MAGI2: variants seen among roughly 807,000 people sequenced by gnomAD.
MAGI2 encodes membrane-associated guanylate kinase, WW and PDZ domain-containing protein 2.
A neutral mutation model predicts 133.3 loss-of-function variants in MAGI2; 35 were observed. That is an observed-to-expected ratio of 0.26 (90% CI 0.20 to 0.35). MAGI2 has a LOEUF of 0.35. MAGI2 is among the 10% of genes least tolerant of loss of function. The pLI is 1.00. For missense variants in MAGI2, 1,636 were observed against 1,863.4 expected (o/e 0.88, Z 2.25); for synonymous variants, 729 against 710.6 (o/e 1.03, Z -0.41).
At chr7:78,225,698 C>A (rs558642512) in intron 10 of MAGI2, among the ~76,000 whole-genome samples, 5 of 152,168 alleles carry the variant, frequency 3.3e-5, no homozygotes, top group Non-Finnish European at 7.3e-5. Context: ...AAAACCAAGT[C>A]CATATTTGGC....
chr7:78,110,585 C>G (rs1332159682), intron 20 of MAGI2, among the ~76,000 whole-genome samples: 2 of 152,180 alleles, frequency 1.3e-5, no homozygotes, highest in African/African-American at 4.8e-5. Flanking sequence ...TATTACGGGA[C>G]CCAGCAGGGG....
At chr7:79,206,066 T>C (rs1829027722) in intron 1 of MAGI2, among the ~76,000 whole-genome samples, 1 of 151,422 alleles carries the variant, frequency 6.6e-6, no homozygotes, top group South Asian at 2.1e-4. Context: ...ACATATGAGA[T>C]ACAGCAAAAG....
At chr7:78,022,509 G>A (rs1808497368) in intron 21 of MAGI2, among the ~76,000 whole-genome samples, 1 of 152,234 alleles carries the variant, frequency 6.6e-6, no homozygotes. Context: ...CCAGTTAGGA[G>A]TAAAAATTTG....
At chr7:78,378,858 T>C (rs775483578) in intron 6 of MAGI2, among the ~76,000 whole-genome samples, 2 of 152,040 alleles carry the variant, frequency 1.3e-5, no homozygotes, top group African/African-American at 4.8e-5. Context: ...AAATGTCTTA[T>C]ATTGAGACAA....
chr7:78,137,520 A>G (rs969062167), intron 16 of MAGI2, among the ~76,000 whole-genome samples: 2 of 152,196 alleles, frequency 1.3e-5, no homozygotes, highest in Non-Finnish European at 2.9e-5. Context: ...GTAGGTACCA[A>G]CTTGGTTTCT....
intron 6 of MAGI2, among the ~76,000 whole-genome samples, chr7:78,392,287 CA>C (rs1442216673): frequency 1.3e-5 from 2 of 152,002 alleles, no homozygotes; most frequent in African/African-American, 4.8e-5. Context: ...CATTGATTCT[CA>C]GGTAGAATCA....
Position 79,059,133 on chromosome 7 carries a change from A to C in MAGI2, c.302-51927T>G, listed in dbSNP as rs535202566. ...TTGCACCAATCTGATATTTTTAATT[A>C]TATTATTTTATATTACAAATAATAC... On this transcript the variant is annotated intron_variant, in intron 1 of 21. Coordinates refer to ENST00000354212, the MANE Select transcript of MAGI2 (RefSeq NM_012301.4). Among the ~76,000 whole-genome samples, 32 of 152,182 alleles carry C rather than the reference A, an allele frequency of 2.1e-4. No individual in the cohort carries two copies. In the South Asian group the frequency reaches 4.8e-3, roughly 23 times the overall value.
intron 9 of MAGI2, among the ~76,000 whole-genome samples, chr7:78,328,255 C>T (rs1788788070): frequency 6.6e-6 from 1 of 151,978 alleles, no homozygotes. Context: ...AGGACTTACG[C>T]CTTGATGAAA....
intron 1 of MAGI2, among the ~76,000 whole-genome samples, chr7:79,135,880 A>G (rs762338423): frequency 6.0e-5 from 9 of 150,788 alleles, no homozygotes; most frequent in Non-Finnish European, 8.8e-5. Context: ...GTTTGAGGCT[A>G]CAGGGAGCTG....
Position 78,165,129 on chromosome 7 carries a change from G to A in MAGI2, c.2596+2787C>T, listed in dbSNP as rs1056689515. The stretch of plus-strand genomic sequence containing the variant: ...AAAAGAAAAATTGGAAGCACTACCC[G>A]ATAGCCTCTTCCTTTACTCAACAAC... On this transcript the variant is annotated intron_variant, in intron 15 of 21. Transcript: ENST00000354212. Among the ~76,000 whole-genome samples, 7 of 152,132 alleles carry A rather than the reference G, an allele frequency of 4.6e-5. No individual in the cohort carries two copies. In the East Asian group the frequency reaches 1.2e-3, roughly 25 times the overall value.
chr7:79,182,177 C>T (rs1313413364), intron 1 of MAGI2, among the ~76,000 whole-genome samples: 1 of 152,002 alleles, frequency 6.6e-6, no homozygotes, highest in African/African-American at 2.4e-5. Flanking sequence ...CCCCACTCTA[C>T]TGTTACCAAT....
chr7:78,319,961 G>A (rs981360950), intron 9 of MAGI2, among the ~76,000 whole-genome samples: 3 of 152,286 alleles, frequency 2.0e-5, no homozygotes, highest in Admixed American at 6.5e-5. Context: ...CAATCCCACA[G>A]AAATACAAAC....
intron 1 of MAGI2, among the ~76,000 whole-genome samples, chr7:79,168,918 AT>A (rs1825239715): frequency 2.5e-5 from 1 of 40,790 alleles, no homozygotes; most frequent in African/African-American, 6.7e-5. Context: ...ATATATATAT[AT>A]ATATATATAT....
At chr7:78,483,181 A>G (rs2150466930) in intron 6 of MAGI2, among the ~76,000 whole-genome samples, 1 of 152,048 alleles carries the variant, frequency 6.6e-6, no homozygotes, top group South Asian at 2.1e-4. Context: ...TTGTGAATTT[A>G]TAATTATTTC....
intron 2 of MAGI2, among the ~76,000 whole-genome samples, chr7:78,999,461 C>A (rs927737248): frequency 6.6e-5 from 10 of 152,048 alleles, no homozygotes; most frequent in African/African-American, 2.4e-4. Context: ...CTCTGTCAAC[C>A]AAACCAATGA....
At chr7:78,741,524 C>T (rs1822434465) in intron 2 of MAGI2, among the ~76,000 whole-genome samples, 1 of 150,512 alleles carries the variant, frequency 6.6e-6, no homozygotes, top group Admixed American at 6.7e-5. Flanking sequence ...TTTATAAATT[C>T]CAGACTGCAG....
chr7:78,407,321 C>A (rs537967028), intron 6 of MAGI2, among the ~76,000 whole-genome samples: 2 of 151,834 alleles, frequency 1.3e-5, no homozygotes, highest in Non-Finnish European at 2.9e-5. Flanking sequence ...AACAGCTGAT[C>A]GGTGTACATT....
chr7:78,858,376 C>T (rs1202424721), intron 2 of MAGI2, among the ~76,000 whole-genome samples: 1 of 152,160 alleles, frequency 6.6e-6, no homozygotes, highest in Non-Finnish European at 1.5e-5. Context: ...CCTGCTTTCT[C>T]TTGTGGGCAT....
At chr7:78,488,486 A>G (rs2150486363) in intron 6 of MAGI2, among the ~76,000 whole-genome samples, 2 of 152,156 alleles carry the variant, frequency 1.3e-5, no homozygotes, top group East Asian at 3.9e-4. Flanking sequence ...TGGCATAAGT[A>G]AATCATAACT....
Sources: gnomAD v4.1 joint callset for allele counts (sites outside exome capture counted in the v4.1 genomes callset) on GRCh38, gnomAD v4.1.1 for gene constraint, MANE v1.5 for transcripts, NCBI Gene and HGNC (gene_info 2026-07-23, HGNC 2026-07-21) for gene names.